Variants in DNM2 observed in about 807,000 individuals in gnomAD.
DNM2 encodes the protein dynamin-2.
DNM2 carries 15 observed loss-of-function variants against 99.0 expected under a neutral mutation model. The observed-to-expected ratio is 0.15, with a 90% CI of 0.10 to 0.23. The LOEUF is 0.23. Ranked by LOEUF, DNM2 falls within the 10% of genes least tolerant of loss-of-function variation. The pLI, the probability that DNM2 is intolerant of heterozygous loss-of-function variation, is 1.00. For synonymous variants in DNM2, 525 were observed against 481.2 expected, an observed-to-expected ratio of 1.09 and a Z score of -1.19; for missense variants, 742 against 1,189.4, an observed-to-expected ratio of 0.62 and a Z score of 5.53.
At chr19:10,744,552 T>G (rs1307612664) in intron 1 of DNM2, among the ~76,000 whole-genome samples, 1 of 152,174 alleles carries the variant, frequency 6.6e-6, no homozygotes, top group Non-Finnish European at 1.5e-5. Flanking sequence ...GGAGGCTGGC[T>G]GTGGAATGCA....
rs57561584 is a variant in DNM2 at position 10,825,310 on chromosome 19, G to A, written c.2058+89G>A. On this transcript the variant is annotated intron_variant, in intron 18 of 20. Coordinates refer to ENST00000389253, the MANE Select transcript of DNM2 (RefSeq NM_001005361.3). ...AGCACTTTGGGAGGCCAAGGCGGGC[G>A]GATCACTTGAGGTCAGGAGTTCAAG... is the stretch of plus-strand genomic sequence containing the variant. 0.04 allele frequency: 63,223 copies of A among 1,567,326 alleles called. 4,233 individuals carry two copies. The highest frequency in any genetic ancestry group is 0.36 in the East Asian group (15,792 of 43,384).
chr19:10,762,641 ATGATGG>A (rs2070672463), intron 2 of DNM2, among the ~76,000 whole-genome samples: 1 of 152,194 alleles, frequency 6.6e-6, no homozygotes, highest in Non-Finnish European at 1.5e-5. Flanking sequence ...CGGATGAACG[ATGATGG>A]GTTCCTGATG....
intron 1 of DNM2, among the ~76,000 whole-genome samples, chr19:10,732,598 T>G (rs1386232794): frequency 6.6e-6 from 1 of 151,282 alleles, no homozygotes; most frequent in African/African-American, 2.4e-5. Flanking sequence ...AGACTCCGTC[T>G]CAAAAAAAAA....
At chr19:10,747,255 C>T (rs1263980875) in intron 1 of DNM2, among the ~76,000 whole-genome samples, 1 of 152,130 alleles carries the variant, frequency 6.6e-6, no homozygotes, top group African/African-American at 2.4e-5. Flanking sequence ...CTCTCTGAGG[C>T]AGGTGGCATC....
At chr19:10,746,101 G>A (rs915625554) in intron 1 of DNM2, among the ~76,000 whole-genome samples, 5 of 152,058 alleles carry the variant, frequency 3.3e-5, no homozygotes, top group African/African-American at 1.2e-4. Context: ...TAGGAGTACA[G>A]GCACACGCCA....
At chr19:10,752,951 G>T (rs905134269) in intron 1 of DNM2, among the ~76,000 whole-genome samples, 1 of 152,010 alleles carries the variant, frequency 6.6e-6, no homozygotes, top group East Asian at 1.9e-4. Flanking sequence ...GTCTGTTAAA[G>T]AAACAAACAA....
In DNM2 at chr19:10,786,396, T is replaced by C. The variant is rs1013371983; in HGVS notation, c.850-168T>C. 213 of 1,108,856 alleles carry C rather than the reference T, an allele frequency of 1.9e-4. 1 individual carries two copies. Among genetic ancestry groups the C allele is most frequent in the Admixed American group, 2.8e-4 (15 of 52,830 alleles). 68.7% of individuals were successfully genotyped at this position (1,108,856 alleles called of 1,614,324 possible). Reference sequence around the variant, plus strand: ...TCCGTGCCGTCTCCGTTCCCAGACATGAGTGTGTCTGTGGCTTGATTTATC... The same window carrying C: ...TCCGTGCCGTCTCCGTTCCCAGACACGAGTGTGTCTGTGGCTTGATTTATC... On this transcript the variant is annotated intron_variant, in intron 6 of 20. Transcript: ENST00000389253.
intron 13 of DNM2, among the ~76,000 whole-genome samples, chr19:10,806,396 C>T (rs865932065): frequency 2.0e-4 from 30 of 152,044 alleles, no homozygotes; most frequent in African/African-American, 6.8e-4. Flanking sequence ...GTGGTGGGCT[C>T]ATGCCTATCA....
In DNM2 at chr19:10,831,743, T is replaced by TG; in HGVS notation, c.*701dup. On this transcript the variant is annotated 3_prime_UTR_variant, in exon 21 of 21. Transcript: ENST00000389253. The surrounding 1 kb of genome is among the most constrained non-coding windows in gnomAD (Gnocchi z 4.3). ...TGTGGGTGGTGGTGGCGGGGGGTCTTGGGGGCCTCTCAGCTCCCGCCCATG... is the reference window on the plus strand; with the variant it reads ...TGTGGGTGGTGGTGGCGGGGGGTCTTGGGGGGCCTCTCAGCTCCCGCCCATG... The TG allele has an allele frequency of 1.5e-5, 15 of 986,416 alleles. No homozygotes were observed. The highest frequency in any genetic ancestry group is 1.8e-5 in the Non-Finnish European group (15 of 830,510). The allele number at this position is 986,416 out of a possible 1,614,324, so 61.1% of individuals were successfully genotyped here. A position where few individuals can be genotyped will look rare whatever the true frequency, so the allele number is the denominator to read the frequency against.
At chr19:10,739,160 G>A (rs1041735094) in intron 1 of DNM2, among the ~76,000 whole-genome samples, 6 of 152,100 alleles carry the variant, frequency 3.9e-5, no homozygotes, top group African/African-American at 7.2e-5. Context: ...GCGACAGAGC[G>A]AGACTCCGTC....
chr19:10,811,295 G>A lies in DNM2; in HGVS notation c.1558-969G>A, dbSNP rs146063655. The A allele has an allele frequency of 0.012, 2,228 of 186,994 alleles. 52 individuals carry two copies. The highest frequency in any genetic ancestry group is 0.043 in the African/African-American group (1,828 of 42,146). 11.6% of individuals were successfully genotyped at this position (186,994 alleles called of 1,614,324 possible). The stretch of plus-strand genomic sequence containing the variant: ...GGCCCTGGTTCAGAATGTCAGGCCC[G>A]GGGTGGGTCGGGGTAGTCCGGATGA... On this transcript the variant is annotated intron_variant, in intron 14 of 20. Transcript: ENST00000389253. The surrounding 1 kb of genome is among the most constrained non-coding windows in gnomAD (Gnocchi z 5.4).
intron 3 of DNM2, among the ~76,000 whole-genome samples, chr19:10,773,516 T>C (rs1165673697): frequency 6.7e-6 from 1 of 150,104 alleles, no homozygotes; most frequent in East Asian, 2.0e-4. Context: ...TGGCGCAATC[T>C]CCACTCAATG....
intron 5 of DNM2, among the ~76,000 whole-genome samples, 173 bp from the exon 6 acceptor site, chr19:10,782,787 G>A (rs933467091): frequency 1.3e-5 from 2 of 152,198 alleles, no homozygotes; most frequent in South Asian, 2.1e-4. Flanking sequence ...GTTGCTCTTC[G>A]CAGCTGCCAT....
Position 10,818,281 on chromosome 19 carries a change from C to T in DNM2, c.1672-1699C>T, listed in dbSNP as rs974380128. ...TATGCTCTGCTCCCTCCATGGCCAC[C>T]GGGCCCCTCTTCCTATGCTCTGCCC... On this transcript the variant is annotated intron_variant, in intron 15 of 20. Transcript: ENST00000389253. The surrounding 1 kb of genome is among the most constrained non-coding windows in gnomAD (Gnocchi z 4.3). Among the ~76,000 whole-genome samples the T allele has an allele frequency of 1.5e-5, 2 of 133,204 alleles. No individual in the cohort carries two copies. Among genetic ancestry groups the T allele is most frequent in the South Asian group, 5.0e-4 (2 of 3,986 alleles). The allele number at this position is 133,204 out of a possible 152,430, so 87.4% of individuals were successfully genotyped here.
At chr19:10,722,967 C>T (rs2068987402) in intron 1 of DNM2, among the ~76,000 whole-genome samples, 1 of 151,496 alleles carries the variant, frequency 6.6e-6, no homozygotes, top group Admixed American at 6.6e-5. Flanking sequence ...CACTTCTTTC[C>T]CTTTCTTTTT....
intron 18 of DNM2, among the ~76,000 whole-genome samples, chr19:10,826,470 C>T (rs752440417): frequency 3.9e-5 from 6 of 152,238 alleles, no homozygotes; most frequent in Non-Finnish European, 8.8e-5. Flanking sequence ...TCTCAGGGCT[C>T]TGGGCTCCTC....
intron 2 of DNM2, among the ~76,000 whole-genome samples, chr19:10,768,181 C>G (rs1052101122): frequency 1.3e-5 from 2 of 151,500 alleles, no homozygotes; most frequent in African/African-American, 4.9e-5. Flanking sequence ...TGGCCGGGCG[C>G]GGTGGCTCAC....
intron 1 of DNM2, among the ~76,000 whole-genome samples, chr19:10,738,400 T>G (rs1302267793): frequency 6.6e-6 from 1 of 151,640 alleles, no homozygotes; most frequent in South Asian, 2.1e-4. Context: ...GAGGATTGCT[T>G]GAGCCCAGGA....
chr19:10,758,351 C>T (rs897236695), intron 1 of DNM2, among the ~76,000 whole-genome samples: 19 of 103,590 alleles, frequency 1.8e-4, no homozygotes, highest in African/African-American at 5.7e-4. Context: ...CCTTCCTTCC[C>T]TCCCTCCTTC....
Sources: allele counts gnomAD v4.1 joint callset (sites outside exome capture counted in the v4.1 genomes callset), GRCh38; gene constraint gnomAD v4.1.1; non-coding constraint Gnocchi (gnomAD v3.1); transcripts MANE v1.5; gene names NCBI Gene and HGNC (gene_info 2026-07-23, HGNC 2026-07-21).